The following PHC2 variants were observed in gnomAD, a reference collection of about 807,000 sequenced individuals.
PHC2 encodes polyhomeotic-like protein 2.
A neutral mutation model predicts 87.4 loss-of-function variants in PHC2; 29 were observed. The ratio of observed to expected loss-of-function variants is 0.33; its 90% CI spans 0.25 to 0.45. The LOEUF (loss-of-function observed/expected upper bound fraction) is 0.45, where lower values mean the gene tolerates loss of function less well. PHC2 is among the 20% of genes least tolerant of loss of function. The pLI is 1.00. For synonymous variants in PHC2, 438 were observed against 461.7 expected (o/e 0.95, Z 0.66); for missense variants, 857 against 1,136.7 (o/e 0.75, Z 3.54).
At chr1:33,344,108 T>A (rs1646799594) in intron 9 of PHC2, among the ~76,000 whole-genome samples, 1 of 152,206 alleles carries the variant, frequency 6.6e-6, no homozygotes, top group African/African-American at 2.4e-5. Flanking sequence ...TAGAAAATAC[T>A]AAATTTATGT....
chr1:33,335,878 C>T (rs528977151), intron 9 of PHC2, among the ~76,000 whole-genome samples: 67 of 142,522 alleles, frequency 4.7e-4, no homozygotes, highest in Non-Finnish European at 8.0e-4. Flanking sequence ...CCAGCCTGGG[C>T]GACAGAGCAA....
rs146515869 is a variant in PHC2, at chr1:33,355,130, C to G, written c.1100G>C (p.Arg367Pro). The G allele has an allele frequency of 6.2e-7, 1 of 1,611,164 alleles. No homozygotes were observed. Among genetic ancestry groups the G allele is most frequent in the Non-Finnish European group, 8.5e-7 (1 of 1,178,956 alleles). Reference protein sequence around the residue: ...QQQQPPPQQSRPVLQAEPHPQ... With the variant: ...QQQQPPPQQSPPVLQAEPHPQ... The stretch of plus-strand genomic sequence containing the variant: ...GTGGGGCTCAGCTTGGAGCACAGGC[C>G]GTGACTGCTGGGGCGGCGGCTGCTG... The change falls in exon 8 of 15, where the codon CGG (arginine) becomes CCG (proline). Residue 367 changes from arginine to proline, a missense_variant. Arg to Pro is a moderately radical substitution (Grantham distance 103, BLOSUM62 -2). Transcript: ENST00000683057.
At chr1:33,389,094 C>T (rs1648921790) in intron 1 of PHC2, among the ~76,000 whole-genome samples, 1 of 145,586 alleles carries the variant, frequency 6.9e-6, no homozygotes, top group South Asian at 2.1e-4. Flanking sequence ...GAAAAAAAAC[C>T]CCCTCACCTA....
At chr1:33,335,172 A>G in intron 9 of PHC2, 4 of 985,204 alleles carry the variant, frequency 4.1e-6, no homozygotes, top group Non-Finnish European at 4.8e-6. Flanking sequence ...ATGCCTATAC[A>G]CAACCACACG....
intron 1 of PHC2, among the ~76,000 whole-genome samples, chr1:33,387,037 G>A (rs1310633428): frequency 6.6e-6 from 1 of 152,238 alleles, no homozygotes; most frequent in East Asian, 1.9e-4. Context: ...CAGGGATCAT[G>A]GGAAGTGGCT....
At chr1:33,398,412 C>T (rs1649381351) in intron 1 of PHC2, among the ~76,000 whole-genome samples, 2 of 152,290 alleles carry the variant, frequency 1.3e-5, no homozygotes, top group South Asian at 4.1e-4. Flanking sequence ...ATAATATAAT[C>T]CCATTGTTAA....
chr1:33,381,034 CA>C (rs1648465798), intron 1 of PHC2, among the ~76,000 whole-genome samples: 1 of 152,096 alleles, frequency 6.6e-6, no homozygotes, highest in African/African-American at 2.4e-5. Flanking sequence ...TTCATGTAAC[CA>C]ACTCCTTAGA....
At chr1:33,351,470 A>G (rs1009643366) in intron 9 of PHC2, among the ~76,000 whole-genome samples, 5 of 152,174 alleles carry the variant, frequency 3.3e-5, no homozygotes, top group Non-Finnish European at 7.3e-5. Flanking sequence ...CCTGTTTTGT[A>G]GCTTTTAAAT....
Position 33,369,890 on chromosome 1 carries a change from T to C in PHC2, c.576+531A>G, listed in dbSNP as rs60531391. On this transcript the variant is annotated intron_variant, in intron 5 of 14. Coordinates refer to ENST00000683057, the MANE Select transcript of PHC2 (RefSeq NM_001385109.1). This position sits in a 1 kb window ranked among gnomAD's most constrained non-coding sequence, Gnocchi z 4.7. The stretch of plus-strand genomic sequence containing the variant: ...TCAGGGATAGGTGCAAAGGAAAGAG[T>C]TGGTGCTATCCTGAGTATATCCTGC... 0.066 allele frequency among the ~76,000 whole-genome samples: 10,047 copies of C among 151,866 alleles called. 575 individuals are homozygous for C. Among genetic ancestry groups the C allele is most frequent in the East Asian group, 0.18 (918 of 5,128 alleles).
At chr1:33,340,306 C>G (rs1171372558) in intron 9 of PHC2, among the ~76,000 whole-genome samples, 4 of 152,218 alleles carry the variant, frequency 2.6e-5, no homozygotes, top group Non-Finnish European at 5.9e-5. Flanking sequence ...AAACCCAAAG[C>G]ACACTCTCCA....
At chr1:33,380,719 T>C (rs1044250393) in intron 1 of PHC2, among the ~76,000 whole-genome samples, 21 of 152,338 alleles carry the variant, frequency 1.4e-4, no homozygotes, top group African/African-American at 5.1e-4. Context: ...TGTTATTCCA[T>C]GTTTGGGCAT....
chr1:33,417,710 T>C (rs1456861382), intron 1 of PHC2, among the ~76,000 whole-genome samples: 3 of 152,082 alleles, frequency 2.0e-5, no homozygotes, highest in Non-Finnish European at 2.9e-5. Flanking sequence ...CTCTTAGTAA[T>C]TGATGACACA....
At chr1:33,362,749 A>G (rs1287369184) in intron 7 of PHC2, among the ~76,000 whole-genome samples, 1 of 93,446 alleles carries the variant, frequency 1.1e-5, no homozygotes, top group Non-Finnish European at 2.1e-5. Context: ...CTCCTGTTCC[A>G]TTCTTGAAAC....
chr1:33,421,886 T>C (rs1650448780), intron 1 of PHC2, among the ~76,000 whole-genome samples: 1 of 152,216 alleles, frequency 6.6e-6, no homozygotes, highest in Non-Finnish European at 1.5e-5. Flanking sequence ...ATTGCTGATG[T>C]GTTCTTTCTA....
intron 7 of PHC2, among the ~76,000 whole-genome samples, chr1:33,362,662 T>C (rs2148306717): frequency 6.6e-6 from 1 of 152,326 alleles, no homozygotes; most frequent in Middle Eastern, 3.4e-3. Flanking sequence ...GGGTCCCGCT[T>C]ACACACACAG....
At chr1:33,400,070 T>A (rs371169547) in intron 1 of PHC2, among the ~76,000 whole-genome samples, 1 of 152,178 alleles carries the variant, frequency 6.6e-6, no homozygotes. Context: ...GGATGTTTAA[T>A]CTCATTCATA....
chr1:33,345,570 A>T, intron 9 of PHC2: 1 of 985,166 alleles, frequency 1.0e-6, no homozygotes, highest in South Asian at 4.7e-5. Flanking sequence ...TCTCAGAGCA[A>T]CGGTTTATGA....
At chr1:33,330,282 C>G (rs1646462379) in intron 12 of PHC2, 70 bp from the exon 13 acceptor site, 2 of 1,555,232 alleles carry the variant, frequency 1.3e-6, no homozygotes, top group Non-Finnish European at 1.8e-6. Flanking sequence ...AGAATGAGCA[C>G]AGCCAAGCTG....
In PHC2 at chr1:33,332,238, C is replaced by A. The variant is rs1430841265; in HGVS notation, c.1891+37G>T. The stretch of plus-strand genomic sequence containing the variant: ...TGTGAGGCCTGCCTTTCCAGCCACG[C>A]TGGGAGGCCGAGAGATTCAGGGTCT... On this transcript the variant is annotated intron_variant, in intron 11 of 14. Coordinates refer to ENST00000683057, the MANE Select transcript of PHC2 (RefSeq NM_001385109.1). The surrounding 1 kb of genome is among the most constrained non-coding windows in gnomAD (Gnocchi z 4.2). The A allele has an allele frequency of 1.9e-6, 3 of 1,613,284 alleles. No individual in the cohort carries two copies. The highest frequency in any genetic ancestry group is 2.5e-6 in the Non-Finnish European group (3 of 1,179,474).
Sources: gnomAD v4.1 joint callset for allele counts (sites outside exome capture counted in the v4.1 genomes callset) on GRCh38, gnomAD v4.1.1 for gene constraint, Gnocchi (gnomAD v3.1) non-coding constraint, MANE v1.5 for transcripts, NCBI Gene and HGNC (gene_info 2026-07-23, HGNC 2026-07-21) for gene names.